RIMBP2: variants seen among roughly 807,000 people sequenced by gnomAD.
RIMBP2 encodes the protein RIMS-binding protein 2.
Under a neutral mutation model 118.6 loss-of-function variants are expected in RIMBP2, and 48 were observed. The observed-to-expected ratio is 0.40, with a 90% confidence interval of 0.32 to 0.51. The LOEUF is 0.51. Among genes scored for constraint, RIMBP2 ranks in the 20% least tolerant of loss-of-function variants. RIMBP2 has a pLI of 0.41. For missense variants in RIMBP2, 1,551 were observed against 1,768.3 expected, an observed-to-expected ratio of 0.88 and a Z score of 2.20; for synonymous variants, 762 against 742.9, an observed-to-expected ratio of 1.03 and a Z score of -0.42.
rs1330591140 is a variant in RIMBP2, at chr12:130,419,107, AG to A, written c.3238+3345del. 5.9e-5 allele frequency among the ~76,000 whole-genome samples: 9 copies of A among 152,232 alleles called. No individual in the cohort carries two copies. The highest frequency in any genetic ancestry group is 1.0e-4 in the Non-Finnish European group (7 of 68,038). Reference sequence around the variant, plus strand: ...TGTGTTATGAGCACCAAACCTCGACAGGGAAAGAGTAGCAGCCTCCCTGGAA... The same window carrying A: ...TGTGTTATGAGCACCAAACCTCGACAGGAAAGAGTAGCAGCCTCCCTGGAA... On this transcript the variant is annotated intron_variant, in intron 17 of 22. Coordinates refer to ENST00000690449, the MANE Select transcript of RIMBP2 (RefSeq NM_001393629.1). The surrounding 1 kb of genome is among the most constrained non-coding windows in gnomAD (Gnocchi z 4.3).
At chr12:130,612,780 C>A (rs2140633993) in intron 2 of RIMBP2, among the ~76,000 whole-genome samples, 1 of 152,238 alleles carries the variant, frequency 6.6e-6, no homozygotes, top group Non-Finnish European at 1.5e-5. Context: ...GACACTGGTA[C>A]CTTATTCTGG....
rs1214060046 is a variant in RIMBP2 at position 130,649,005 on chromosome 12, G to A, written c.-351-20549C>T. ...CCACGGGTTAAATACTGTGGGCCCTGAACACCATTTTCATGTGGATTCCAT... is the reference window on the plus strand; with the variant it reads ...CCACGGGTTAAATACTGTGGGCCCTAAACACCATTTTCATGTGGATTCCAT... On this transcript the variant is annotated intron_variant, in intron 1 of 22. Coordinates refer to ENST00000690449, the MANE Select transcript of RIMBP2 (RefSeq NM_001393629.1). 1.4e-5 allele frequency among the ~76,000 whole-genome samples: 2 copies of A among 145,498 alleles called. 1 individual carries two copies. The highest frequency in any genetic ancestry group is 3.1e-5 in the Non-Finnish European group (2 of 64,230).
chr12:130,676,600 G>C (rs111826805), intron 1 of RIMBP2, among the ~76,000 whole-genome samples: 2,994 of 151,696 alleles, frequency 0.02, 83 homozygotes, highest in East Asian at 0.084. Context: ...TCCAGCCTGG[G>C]TGACAGAGCG....
intron 2 of RIMBP2, among the ~76,000 whole-genome samples, chr12:130,545,382 C>CA (rs1361539037): frequency 1.1e-4 from 16 of 149,748 alleles, no homozygotes; most frequent in South Asian, 2.2e-4. Flanking sequence ...GATTCAATGC[C>CA]AAAAAAATGT....
At chr12:130,397,649 AG>A (rs140731635) in intron 22 of RIMBP2, 100 bp from the exon 23 acceptor site, 22,827 of 396,928 alleles carry the variant, frequency 0.058, 809 homozygotes, top group Middle Eastern at 0.087. Context: ...AGGAAAGGTC[AG>A]GGGGGTTCAT....
chr12:130,440,693 C>T (rs778134112), intron 11 of RIMBP2, among the ~76,000 whole-genome samples: 5 of 152,184 alleles, frequency 3.3e-5, no homozygotes, highest in Non-Finnish European at 2.9e-5. Context: ...TGATCAACTC[C>T]GGGCAGTTGG....
chr12:130,535,397 C>T (rs1463293634), intron 2 of RIMBP2, among the ~76,000 whole-genome samples: 1 of 151,910 alleles, frequency 6.6e-6, no homozygotes, highest in Non-Finnish European at 1.5e-5. Flanking sequence ...CATCTGCAGT[C>T]CCAGTACCCA....
chr12:130,612,619 A>T (rs1045037600), intron 2 of RIMBP2, among the ~76,000 whole-genome samples: 3 of 152,356 alleles, frequency 2.0e-5, no homozygotes, highest in Admixed American at 2.0e-4. Flanking sequence ...AGGATGGTGA[A>T]GACCGTGGTG....
chr12:130,414,282 G>C lies in RIMBP2; in HGVS notation c.3263C>G (p.Ser1088Cys). The stretch of plus-strand genomic sequence containing the variant: ...TTCTGACTCTTCATAGAAGTCTGGA[G>C]AAAGGCGGTCTCGCCCGTAATCGTC... ...SIDDYGRDRL[S>C]PDFYEESETD... Residue 1088 changes from serine (S) to cysteine (C), a missense_variant, in exon 18 of 23, where the codon TCT becomes TGT. Around this residue, in one of 5 missense-constraint regions of RIMBP2, gnomAD observed 1,038 missense variants for 1,125.1 expected, o/e 0.92. Transcript: ENST00000690449. 1.9e-6 allele frequency: 3 copies of C among 1,603,618 alleles called. No homozygotes were observed. Among genetic ancestry groups the C allele is most frequent in the Non-Finnish European group, 2.6e-6 (3 of 1,173,506 alleles).
intron 2 of RIMBP2, among the ~76,000 whole-genome samples, chr12:130,535,237 G>A (rs771469256): frequency 2.6e-5 from 4 of 152,068 alleles, no homozygotes; most frequent in East Asian, 1.9e-4. Context: ...AGTGGCTCAC[G>A]CTCCTAATCC....
Position 130,622,269 on chromosome 12 carries a change from G to A in RIMBP2, c.-217+6053C>T, listed in dbSNP as rs568308889. Among the ~76,000 whole-genome samples the A allele has an allele frequency of 2.8e-4, 43 of 152,226 alleles. No individual in the cohort carries two copies. Among genetic ancestry groups the A allele is most frequent in the African/African-American group, 8.2e-4 (34 of 41,542 alleles). On this transcript the variant is annotated intron_variant, in intron 2 of 22. Coordinates refer to ENST00000690449, the MANE Select transcript of RIMBP2 (RefSeq NM_001393629.1). The surrounding 1 kb of genome is among the most constrained non-coding windows in gnomAD (Gnocchi z 8.5). Reference sequence around the variant, plus strand: ...CCCACAAGGCTGCATAGGAGGTTCCGGGGAACAGAGTCCCCAAACATCACA... The same window carrying A: ...CCCACAAGGCTGCATAGGAGGTTCCAGGGAACAGAGTCCCCAAACATCACA...
intron 1 of RIMBP2, among the ~76,000 whole-genome samples, chr12:130,713,272 A>AC (rs1566477359): frequency 3.1e-4 from 43 of 140,514 alleles, no homozygotes; most frequent in Non-Finnish European, 4.2e-4. Context: ...GAAGGAAGGA[A>AC]GGACTGAGGA....
At chr12:130,614,105 C>G (rs1339638607) in intron 2 of RIMBP2, among the ~76,000 whole-genome samples, 1 of 152,192 alleles carries the variant, frequency 6.6e-6, no homozygotes. Context: ...AACAGGCTGG[C>G]CTACACTTTA....
At chr12:130,507,367 T>C (rs1320281027) in intron 3 of RIMBP2, among the ~76,000 whole-genome samples, 2 of 152,236 alleles carry the variant, frequency 1.3e-5, no homozygotes, top group African/African-American at 2.4e-5. Context: ...TTCAGTCACT[T>C]GGACCAATAG....
At position 130,506,679 on chromosome 12, in the gene RIMBP2, G is replaced by A. The variant is rs150709194; in HGVS notation, c.-35C>T. Reference sequence around the variant, plus strand: ...GACCTGTTCTAGGTTCTCCAGCTTGGCTTGGAGCTGGTGTTTCTCCTTCAC... The same window carrying A: ...GACCTGTTCTAGGTTCTCCAGCTTGACTTGGAGCTGGTGTTTCTCCTTCAC... On this transcript the variant is annotated 5_prime_UTR_variant, in exon 4 of 23. Transcript: ENST00000690449. 2,073 of 985,738 alleles carry A rather than the reference G, an allele frequency of 2.1e-3. 3 individuals carry two copies. The highest frequency in any genetic ancestry group is 3.6e-3 in the South Asian group (77 of 21,282). 61.1% of individuals were successfully genotyped at this position (985,738 alleles called of 1,614,324 possible).
intron 1 of RIMBP2, among the ~76,000 whole-genome samples, chr12:130,678,374 G>A (rs569583840): frequency 5.9e-5 from 9 of 152,346 alleles, no homozygotes; most frequent in Admixed American, 1.3e-4. Flanking sequence ...GTGGACGAGC[G>A]GATCGTAGTG....
intron 4 of RIMBP2, among the ~76,000 whole-genome samples, chr12:130,485,488 A>G (rs78219275): frequency 0.054 from 8,266 of 152,366 alleles, 809 homozygotes; most frequent in African/African-American, 0.19. Context: ...GGGCCAGGGC[A>G]GAGAAGCAGC....
intron 1 of RIMBP2, among the ~76,000 whole-genome samples, chr12:130,640,099 C>T (rs1165946534): frequency 6.6e-6 from 1 of 152,170 alleles, no homozygotes; most frequent in East Asian, 1.9e-4. Context: ...GAACAATGGG[C>T]ATCTCACGAT....
intron 2 of RIMBP2, among the ~76,000 whole-genome samples, chr12:130,558,577 G>A (rs2056558872): frequency 6.6e-6 from 1 of 152,168 alleles, no homozygotes; most frequent in South Asian, 2.1e-4. Flanking sequence ...AATGAGGCAC[G>A]CTGTTAGGTC....
Sources: allele counts gnomAD v4.1 joint callset (sites outside exome capture counted in the v4.1 genomes callset), GRCh38; gene constraint gnomAD v4.1.1; regional missense constraint gnomAD v4.1.1; non-coding constraint Gnocchi (gnomAD v3.1); transcripts MANE v1.5; gene names NCBI Gene and HGNC (gene_info 2026-07-23, HGNC 2026-07-21).